Variants in NOVA1 observed in about 807,000 individuals in gnomAD.
The protein encoded by NOVA1 is NOVA alternative splicing regulator 1, also known as RNA-binding protein Nova-1.
In NOVA1, 7 loss-of-function variants were observed where a neutral mutation model predicts 38.0. The observed-to-expected ratio is 0.18, with a 90% CI of 0.10 to 0.35. The LOEUF is 0.35. Among genes scored for constraint, NOVA1 ranks in the 10% least tolerant of loss-of-function variants. The pLI, the probability that NOVA1 is intolerant of heterozygous loss-of-function variation, is 1.00. For synonymous variants in NOVA1, 270 were observed against 232.5 expected (o/e 1.16, Z -1.47); for missense variants, 460 against 616.0 (o/e 0.75, Z 2.68).
intron 2 of NOVA1, among the ~76,000 whole-genome samples, chr14:26,562,636 C>A (rs915334483): frequency 6.6e-6 from 1 of 152,078 alleles, no homozygotes; most frequent in Admixed American, 6.6e-5. Flanking sequence ...AGAGAGGAAG[C>A]TGAAAACTAG....
chr14:26,482,013 A>C (rs1413553188), intron 2 of NOVA1, among the ~76,000 whole-genome samples: 2 of 131,484 alleles, frequency 1.5e-5, no homozygotes, highest in Non-Finnish European at 3.4e-5. Flanking sequence ...AAAAAAAAAA[A>C]ACATGGCTCT....
At chr14:26,549,058 G>A (rs1891003228) in intron 2 of NOVA1, among the ~76,000 whole-genome samples, 1 of 152,126 alleles carries the variant, frequency 6.6e-6, no homozygotes, top group Non-Finnish European at 1.5e-5. Flanking sequence ...TTGCAAGGCT[G>A]AGGCAGGAAG....
At chr14:26,512,700 T>C (rs1888190817) in intron 2 of NOVA1, among the ~76,000 whole-genome samples, 1 of 152,122 alleles carries the variant, frequency 6.6e-6, no homozygotes, top group Non-Finnish European at 1.5e-5. Context: ...AATTTTGCAA[T>C]AGCAAATTAG....
intron 3 of NOVA1, among the ~76,000 whole-genome samples, chr14:26,472,671 A>T (rs1452594659): frequency 6.6e-6 from 1 of 152,022 alleles, no homozygotes; most frequent in Non-Finnish European, 1.5e-5. Context: ...GACCATATTC[A>T]TGAATAGTAG....
chr14:26,496,815 G>A (rs1395638226), intron 2 of NOVA1, among the ~76,000 whole-genome samples: 9 of 151,946 alleles, frequency 5.9e-5, no homozygotes, highest in South Asian at 2.1e-4. Context: ...GATATGCGGC[G>A]TTATTTCTGA....
intron 3 of NOVA1, among the ~76,000 whole-genome samples, chr14:26,475,450 T>C (rs1191023219): frequency 1.3e-5 from 2 of 152,224 alleles, no homozygotes; most frequent in Non-Finnish European, 2.9e-5. Context: ...CATGAAGATG[T>C]AATTAACTGA....
In NOVA1 at chr14:26,446,497, T is replaced by G. The variant is rs1882083594; in HGVS notation, c.*1462A>C. 1 of 152,856 alleles carries G rather than the reference T, an allele frequency of 6.5e-6. No homozygotes were observed. Among genetic ancestry groups the G allele is most frequent in the African/African-American group, 2.4e-5 (1 of 41,594 alleles). 9.5% of individuals were successfully genotyped at this position (152,856 alleles called of 1,614,324 possible). A position where few individuals can be genotyped will look rare whatever the true frequency, so the allele number is the denominator to read the frequency against. On this transcript the variant is annotated 3_prime_UTR_variant, in exon 5 of 5. Coordinates refer to ENST00000539517, the MANE Select transcript of NOVA1 (RefSeq NM_002515.3). ...TGAAGTTGAGATGGAAGTAATTCTC[T>G]TTTGTAATTCAGTTGCTCAGCCAGA...
intron 3 of NOVA1, 81 bp downstream of exon 3, chr14:26,479,896 C>G (rs1180051115): frequency 4.1e-6 from 6 of 1,447,838 alleles, no homozygotes; most frequent in Admixed American, 2.2e-5. Flanking sequence ...AAGTTTTATG[C>G]TAACACTTTA....
intron 2 of NOVA1, among the ~76,000 whole-genome samples, chr14:26,532,027 T>C (rs866990789): frequency 2.0e-4 from 30 of 152,106 alleles, no homozygotes; most frequent in African/African-American, 6.3e-4. Flanking sequence ...TGGCTAAAAT[T>C]TTAAAAAGAC....
At chr14:26,513,916 T>A (rs923180576) in intron 2 of NOVA1, among the ~76,000 whole-genome samples, 3 of 151,674 alleles carry the variant, frequency 2.0e-5, no homozygotes, top group African/African-American at 7.2e-5. Context: ...TAGTAACTCT[T>A]TTCGAATAGC....
chr14:26,517,459 G>T (rs1416809163), intron 2 of NOVA1, among the ~76,000 whole-genome samples: 1 of 152,064 alleles, frequency 6.6e-6, no homozygotes, highest in South Asian at 2.1e-4. Flanking sequence ...ATAGAGGCAG[G>T]AACTTTCACA....
intron 2 of NOVA1, among the ~76,000 whole-genome samples, chr14:26,559,791 T>A (rs540112212): frequency 6.6e-6 from 1 of 152,186 alleles, no homozygotes; most frequent in African/African-American, 2.4e-5. Context: ...ATATACAGTT[T>A]GATAGTGTTT....
At chr14:26,567,857 G>A (rs971045554) in intron 2 of NOVA1, among the ~76,000 whole-genome samples, 2 of 151,966 alleles carry the variant, frequency 1.3e-5, no homozygotes, top group African/African-American at 2.4e-5. Context: ...TTTCCATTTG[G>A]TTATCAACAA....
intron 3 of NOVA1, among the ~76,000 whole-genome samples, chr14:26,474,441 C>A (rs529324086): frequency 1.3e-5 from 2 of 151,908 alleles, no homozygotes; most frequent in East Asian, 1.9e-4. Context: ...AATTTAATAT[C>A]GAATGGCTCA....
intron 4 of NOVA1, among the ~76,000 whole-genome samples, chr14:26,464,180 G>A (rs920275451): frequency 6.6e-6 from 1 of 152,132 alleles, no homozygotes; most frequent in African/African-American, 2.4e-5. Context: ...GTCATGTGCT[G>A]CATTGTGACA....
intron 3 of NOVA1, chr14:26,479,288 CATGAAATA>C (rs1885239150): frequency 6.6e-6 from 1 of 151,966 alleles, no homozygotes; most frequent in African/African-American, 2.4e-5. Flanking sequence ...CCTTATTTAA[CATGAAATA>C]ATGTCATTTT....
At chr14:26,595,133 A>C (rs909581812) in intron 2 of NOVA1, among the ~76,000 whole-genome samples, 1 of 152,088 alleles carries the variant, frequency 6.6e-6, no homozygotes, top group Non-Finnish European at 1.5e-5. Flanking sequence ...TCTATCTTTA[A>C]ATTTTTGAGT....
chr14:26,566,347 T>TTATATACA (rs140229549), intron 2 of NOVA1, among the ~76,000 whole-genome samples: 1 of 152,106 alleles, frequency 6.6e-6, no homozygotes, highest in Non-Finnish European at 1.5e-5. Flanking sequence ...CAGAGTATAT[T>TTATATACA]TATATACATA....
chr14:26,596,952 C>T (rs935813322), intron 1 of NOVA1: 9 of 1,206,170 alleles, frequency 7.5e-6, no homozygotes, highest in Non-Finnish European at 9.3e-6. Context: ...CACCTCACTC[C>T]GGGGTCATCC....
Sources: allele counts gnomAD v4.1 joint callset (sites outside exome capture counted in the v4.1 genomes callset), GRCh38; gene constraint gnomAD v4.1.1; transcripts MANE v1.5; gene names NCBI Gene and HGNC (gene_info 2026-07-23, HGNC 2026-07-21).